Variants in SYNE1 observed in about 807,000 individuals in gnomAD.
SYNE1 encodes the protein nesprin-1.
SYNE1 carries 616 observed loss-of-function variants against 1,111.0 expected under a neutral mutation model. That is an observed-to-expected ratio of 0.55 (90% CI 0.52 to 0.59). The LOEUF (loss-of-function observed/expected upper bound fraction) is 0.59, where lower values mean the gene tolerates loss of function less well. SYNE1 is among the 20% of genes least tolerant of loss of function. The pLI is 0.00. For synonymous variants in SYNE1, 3,855 were observed against 3,825.8 expected (o/e 1.01, Z -0.28); for missense variants, 10,006 against 10,417.0 (o/e 0.96, Z 1.72).
At chr6:152,139,051 G>A (rs1294801176) in intron 140 of SYNE1, among the ~76,000 whole-genome samples, 1 of 152,128 alleles carries the variant, frequency 6.6e-6, no homozygotes, top group African/African-American at 2.4e-5. Flanking sequence ...ACAAATTCAT[G>A]CAGATACAAT....
chr6:152,277,982 A>G (rs987770991), intron 98 of SYNE1, 107 bp downstream of exon 98: 1 of 1,190,768 alleles, frequency 8.4e-7, no homozygotes, highest in Non-Finnish European at 1.2e-6. Flanking sequence ...AGGTACACAC[A>G]CAAGTACGCG....
chr6:152,548,711 T>C (rs2099326673), intron 3 of SYNE1, among the ~76,000 whole-genome samples: 1 of 152,170 alleles, frequency 6.6e-6, no homozygotes, highest in Non-Finnish European at 1.5e-5. Context: ...AAACAAACAG[T>C]AGTGACCAGA....
intron 51 of SYNE1, among the ~76,000 whole-genome samples, chr6:152,393,515 A>C (rs2097680810): frequency 6.6e-6 from 1 of 151,742 alleles, no homozygotes; most frequent in Non-Finnish European, 1.5e-5. Context: ...CTGGCACTAT[A>C]CTAGATAATG....
intron 4 of SYNE1, among the ~76,000 whole-genome samples, chr6:152,532,221 T>C (rs1170832540): frequency 1.3e-5 from 2 of 152,082 alleles, no homozygotes; most frequent in African/African-American, 4.8e-5. Context: ...CATGCAGCTA[T>C]AAAGTAGATT....
intron 3 of SYNE1, among the ~76,000 whole-genome samples, chr6:152,579,013 A>G (rs116992469): frequency 6.6e-6 from 1 of 152,220 alleles, no homozygotes; most frequent in Non-Finnish European, 1.5e-5. Context: ...AAAGATAATG[A>G]TATTTTACTT....
At chr6:152,434,211 AG>A in intron 33 of SYNE1, 1 of 445,218 alleles carries the variant, frequency 2.2e-6, no homozygotes, top group Non-Finnish European at 4.0e-6. Flanking sequence ...CTGGGTCCAA[AG>A]GGGTTTGAAT....
intron 6 of SYNE1, among the ~76,000 whole-genome samples, chr6:152,518,976 C>T (rs1242833243): frequency 1.3e-5 from 2 of 149,010 alleles, no homozygotes; most frequent in South Asian, 2.1e-4. Context: ...ATCACCCACC[C>T]GGGACTGTTG....
chr6:152,481,594 A>C (rs1367250433), intron 14 of SYNE1: 1 of 446,762 alleles, frequency 2.2e-6, no homozygotes, highest in Non-Finnish European at 4.5e-6. Context: ...TAAGGTAAAA[A>C]AATAGTTTCA....
At chr6:152,277,264 CTTTT>C (rs747947368) in intron 98 of SYNE1, among the ~76,000 whole-genome samples, 2 of 82,126 alleles carry the variant, frequency 2.4e-5, no homozygotes, top group Non-Finnish European at 2.4e-5. Flanking sequence ...TTTTCTTTTT[CTTTT>C]TTTTTTTTTT....
intron 14 of SYNE1, among the ~76,000 whole-genome samples, chr6:152,479,481 C>T (rs1484617744): frequency 6.6e-6 from 1 of 152,134 alleles, no homozygotes; most frequent in Non-Finnish European, 1.5e-5. Context: ...TAAGCAATAG[C>T]TTTGTGGTCA....
intron 76 of SYNE1, among the ~76,000 whole-genome samples, chr6:152,335,065 T>C (rs952665814): frequency 2.0e-5 from 3 of 152,210 alleles, no homozygotes; most frequent in African/African-American, 4.8e-5. Flanking sequence ...TAAGATACCA[T>C]CTCTGCCAGC....
At chr6:152,554,994 C>T (rs985442993) in intron 3 of SYNE1, among the ~76,000 whole-genome samples, 7 of 152,088 alleles carry the variant, frequency 4.6e-5, no homozygotes, top group Admixed American at 2.6e-4. Context: ...TCTCAAATCA[C>T]CAGAAGGTAA....
Position 152,215,017 on chromosome 6 carries a change from C to T in SYNE1, c.22235G>A (p.Arg7412His), listed in dbSNP as rs200135486. The T allele has an allele frequency of 9.6e-5, 155 of 1,614,094 alleles. No individual in the cohort carries two copies. The East Asian group carries it at 1.1e-3, about 12-fold the overall frequency. ...TAACCTATATCCAAGCTCATTTAGA[C>T]GGTCTAAATCTGGAGCCATGCTGCT... ...KFSSMAPDLD[R>H]LNELGYRLPL... The change falls in exon 122 of 146, where the codon CGT (arginine) becomes CAT (histidine). Residue 7412 changes from arginine (R) to histidine (H), a missense_variant. Physicochemically the swap from Arg to His is conservative, Grantham distance 29. This residue lies in a region of SYNE1 where 2,182 missense variants were observed against 2,287.8 expected (regional missense o/e 0.95). Coordinates refer to ENST00000367255, the MANE Select transcript of SYNE1 (RefSeq NM_182961.4).
chr6:152,175,917 C>T (rs552431591), intron 130 of SYNE1, among the ~76,000 whole-genome samples: 1 of 152,136 alleles, frequency 6.6e-6, no homozygotes, highest in Non-Finnish European at 1.5e-5. Flanking sequence ...CACAAAATTA[C>T]TATAATGCAG....
intron 3 of SYNE1, among the ~76,000 whole-genome samples, chr6:152,577,272 G>T (rs1023597213): frequency 5.3e-5 from 8 of 152,310 alleles, no homozygotes; most frequent in South Asian, 2.1e-4. Context: ...CACTTTGCAA[G>T]AACTCACCAA....
In SYNE1 at chr6:152,301,854, C is replaced by CCA; in HGVS notation, c.17541+13_17541+14dup. On this transcript the variant is annotated intron_variant, in intron 92 of 145. Coordinates refer to ENST00000367255, the MANE Select transcript of SYNE1 (RefSeq NM_182961.4). ...AGTCAAAGAGCAAAGCCGCGGGGAC[C>CCA]CACTGGATCCTTACCATGACCACAG... is the stretch of plus-strand genomic sequence containing the variant. The CCA allele has an allele frequency of 6.3e-7, 1 of 1,597,000 alleles. No individual in the cohort carries two copies. Among genetic ancestry groups the CCA allele is most frequent in the South Asian group, 1.1e-5 (1 of 89,962 alleles).
At position 152,402,310 on chromosome 6, in the gene SYNE1, T is replaced by C. The variant is rs529296375; in HGVS notation, c.6826-969A>G. The C allele has an allele frequency of 5.9e-5, 9 of 152,454 alleles. No homozygotes were observed. The East Asian group carries it at 1.3e-3, about 23-fold the overall frequency. The allele number at this position is 152,454 out of a possible 1,614,324, so 9.4% of individuals were successfully genotyped here. A position where few individuals can be genotyped will look rare whatever the true frequency, so the allele number is the denominator to read the frequency against. On this transcript the variant is annotated intron_variant, in intron 46 of 145. Coordinates refer to ENST00000367255, the MANE Select transcript of SYNE1 (RefSeq NM_182961.4). ...TGCGCTGTTCTTTGGCTCTTTACTTTCTCATTCCTCAGCCTGGAGGCCTTT... is the reference window on the plus strand; with the variant it reads ...TGCGCTGTTCTTTGGCTCTTTACTTCCTCATTCCTCAGCCTGGAGGCCTTT...
chr6:152,385,952 G>T (rs1175765956), intron 54 of SYNE1, 114 bp from the exon 55 acceptor site: 28 of 968,272 alleles, frequency 2.9e-5, no homozygotes, highest in Non-Finnish European at 4.4e-5. Flanking sequence ...TTTCATTCTT[G>T]TTCTTGAATT....
intron 115 of SYNE1, among the ~76,000 whole-genome samples, chr6:152,228,916 C>CT (rs34234904): frequency 0.63 from 95,635 of 151,624 alleles, 30,568 homozygotes; most frequent in East Asian, 0.78. Flanking sequence ...TGATGTGAGG[C>CT]TTTTTTTTAT....
Sources: allele counts gnomAD v4.1 joint callset (sites outside exome capture counted in the v4.1 genomes callset), GRCh38; gene constraint gnomAD v4.1.1; regional missense constraint gnomAD v4.1.1; transcripts MANE v1.5; gene names NCBI Gene and HGNC (gene_info 2026-07-23, HGNC 2026-07-21).